The following SCAP variants were observed in gnomAD, a reference collection of about 807,000 sequenced individuals.
The protein encoded by SCAP is sterol regulatory element-binding protein cleavage-activating protein.
SCAP carries 65 observed loss-of-function variants against 123.6 expected under a neutral mutation model. The observed-to-expected ratio is 0.53, with a 90% confidence interval of 0.43 to 0.65. The LOEUF is 0.65. Among genes scored for constraint, SCAP ranks in the 30% least tolerant of loss-of-function variants. SCAP has a pLI of 0.00. For missense variants in SCAP, 1,398 were observed against 1,712.5 expected, an observed-to-expected ratio of 0.82 and a Z score of 3.24; for synonymous variants, 740 against 726.3, an observed-to-expected ratio of 1.02 and a Z score of -0.30.
rs75738169 is a variant in SCAP, at chr3:47,442,840, C to T, written c.122+32G>A. On this transcript the variant is annotated intron_variant, in intron 2 of 22. Coordinates refer to ENST00000265565, the MANE Select transcript of SCAP (RefSeq NM_012235.4). ...AAAACCTACTGTCCTAAGACACTGG[C>T]CCACCATATCCAAGGCAACCCAAAA... The T allele has an allele frequency of 5.4e-4, 872 of 1,600,084 alleles. 5 individuals carry two copies. In the African/African-American group the frequency reaches 0.01, roughly 19 times the overall value.
intron 1 of SCAP, among the ~76,000 whole-genome samples, chr3:47,461,165 AG>A (rs1298953473): frequency 6.6e-6 from 1 of 152,112 alleles, no homozygotes; most frequent in Non-Finnish European, 1.5e-5. Flanking sequence ...TTCAAGGCAA[AG>A]GGTGGTACTC....
Position 47,420,656 on chromosome 3 carries a change from G to C in SCAP, c.1461C>G (p.Thr487=), listed in dbSNP as rs759662085. 2.5e-5 allele frequency: 41 copies of C among 1,612,094 alleles called. No individual in the cohort carries two copies. The South Asian group carries it at 4.4e-4, about 17-fold the overall frequency. ...QLAVRPSTPH[T]ITLQPSSFRN... Reference sequence around the variant, plus strand: ...GGAAGGAAGACGGCTGCAACGTGATGGTGTGGGGTGTGGACGGCCTCACAG... The same window carrying C: ...GGAAGGAAGACGGCTGCAACGTGATCGTGTGGGGTGTGGACGGCCTCACAG... Residue 487 remains threonine, a synonymous_variant, in exon 12 of 23, where the codon ACC becomes ACG. Coordinates refer to ENST00000265565, the MANE Select transcript of SCAP (RefSeq NM_012235.4). This position sits in a 1 kb window ranked among gnomAD's most constrained non-coding sequence, Gnocchi z 5.0.
intron 8 of SCAP, 137 bp downstream of exon 8, chr3:47,425,348 T>A (rs1407442627): frequency 1.1e-6 from 1 of 903,156 alleles, no homozygotes; most frequent in Non-Finnish European, 1.6e-6. Flanking sequence ...GAAGAAAATG[T>A]ACCTCTTAAA....
At chr3:47,424,655 A>G (rs1706044379) in intron 8 of SCAP, among the ~76,000 whole-genome samples, 1 of 152,166 alleles carries the variant, frequency 6.6e-6, no homozygotes, top group Non-Finnish European at 1.5e-5. Context: ...GAGCCGAAGG[A>G]AGGGAGGGCC....
intron 1 of SCAP, among the ~76,000 whole-genome samples, chr3:47,455,140 G>A (rs1008017531): frequency 1.4e-5 from 2 of 144,760 alleles, no homozygotes; most frequent in Admixed American, 1.4e-4. Context: ...TCACCATAAG[G>A]TAGTGAAAAC....
At chr3:47,468,487 C>A (rs1389668195) in intron 1 of SCAP, among the ~76,000 whole-genome samples, 1 of 152,208 alleles carries the variant, frequency 6.6e-6, no homozygotes, top group East Asian at 1.9e-4. Flanking sequence ...AGCATTTTTT[C>A]ATGTGTCTGT....
At position 47,420,877 on chromosome 3, in the gene SCAP, T is replaced by C. The variant is rs1705869451; in HGVS notation, c.1344+54A>G. The C allele has an allele frequency of 1.2e-5, 19 of 1,588,668 alleles. 1 individual carries two copies. The Admixed American group carries it at 3.0e-4, about 25-fold the overall frequency. On this transcript the variant is annotated intron_variant, in intron 11 of 22. Transcript: ENST00000265565. This position sits in a 1 kb window ranked among gnomAD's most constrained non-coding sequence, Gnocchi z 5.0. ...TACACCCTTCTCACCCAGGACTCCC[T>C]CAGTACAGCCAGGGCTGAGGAGGCG... is the stretch of plus-strand genomic sequence containing the variant.
chr3:47,472,460 A>ATAAT (rs1553652297), intron 1 of SCAP, among the ~76,000 whole-genome samples: 28 of 145,704 alleles, frequency 1.9e-4, no homozygotes, highest in African/African-American at 2.5e-4. Flanking sequence ...AAATAAAATA[A>ATAAT]AATAATAATA....
In SCAP at chr3:47,419,743, C is replaced by T; in HGVS notation, c.1564-39G>A. 1 of 1,507,486 alleles carries T rather than the reference C, an allele frequency of 6.6e-7. No individual in the cohort carries two copies. Among genetic ancestry groups the T allele is most frequent in the Non-Finnish European group, 8.9e-7 (1 of 1,128,796 alleles). The allele number at this position is 1,507,486 out of a possible 1,614,324, so 93.4% of individuals were successfully genotyped here. A position where few individuals can be genotyped will look rare whatever the true frequency, so the allele number is the denominator to read the frequency against. ...GGGGGTACTCAGTGGGAGGAATGGG[C>T]CCCAACCCCCAGCAGCTTCAGCCCT... On this transcript the variant is annotated intron_variant, in intron 12 of 22. Transcript: ENST00000265565. This position sits in a 1 kb window ranked among gnomAD's most constrained non-coding sequence, Gnocchi z 5.0.
chr3:47,443,752 C>T (rs1012921517), intron 1 of SCAP, among the ~76,000 whole-genome samples: 2 of 152,178 alleles, frequency 1.3e-5, no homozygotes, highest in Non-Finnish European at 2.9e-5. Flanking sequence ...CTGCCCAGTA[C>T]CCGTCCCCTT....
At chr3:47,469,397 G>A (rs1176467443) in intron 1 of SCAP, among the ~76,000 whole-genome samples, 1 of 152,054 alleles carries the variant, frequency 6.6e-6, no homozygotes, top group Admixed American at 6.6e-5. Flanking sequence ...AGTCTTGTTC[G>A]GTCACCCAGG....
Position 47,444,156 on chromosome 3 carries a change from G to T in SCAP, c.-98-1065C>A, listed in dbSNP as rs181712898. On this transcript the variant is annotated intron_variant, in intron 1 of 22. Coordinates refer to ENST00000265565, the MANE Select transcript of SCAP (RefSeq NM_012235.4). ...ATAAAATCAGAATAGAAAACTCTAG[G>T]AGGCCCAGGGATCTAGAATTATCTT... 3.1e-3 allele frequency among the ~76,000 whole-genome samples: 473 copies of T among 152,250 alleles called. 4 individuals carry two copies. The highest frequency in any genetic ancestry group is 0.011 in the African/African-American group (452 of 41,548).
chr3:47,421,189 C>G, intron 10 of SCAP, 160 bp from the exon 11 acceptor site: 1 of 647,678 alleles, frequency 1.5e-6, no homozygotes. Context: ...GCTCACATAC[C>G]AGCAGCAGCT....
chr3:47,434,948 G>A (rs1297027465), intron 3 of SCAP, 60 bp downstream of exon 3: 4 of 1,611,080 alleles, frequency 2.5e-6, no homozygotes, highest in Admixed American at 3.3e-5. Context: ...GCAGACCCCT[G>A]CCTCAGCCAG....
intron 6 of SCAP, among the ~76,000 whole-genome samples, chr3:47,426,794 C>T (rs1442367767): frequency 6.6e-6 from 1 of 152,172 alleles, no homozygotes; most frequent in Non-Finnish European, 1.5e-5. Flanking sequence ...CTCGAGTGCC[C>T]TTGCCAATTG....
upstream of SCAP, among the ~76,000 whole-genome samples, chr3:47,476,629 C>G (rs1351035223): frequency 1.3e-5 from 2 of 152,220 alleles, no homozygotes; most frequent in African/African-American, 4.8e-5. Context: ...CAGCTACGTT[C>G]ACTGTTTACT....
At chr3:47,426,199 G>C (rs779012795) in intron 6 of SCAP, 30 bp from the exon 7 acceptor site, 1 of 1,602,618 alleles carries the variant, frequency 6.2e-7, no homozygotes, top group Non-Finnish European at 8.5e-7. Context: ...GGGGTAAATG[G>C]AAGTGTTGCT....
intron 1 of SCAP, among the ~76,000 whole-genome samples, chr3:47,467,248 T>C (rs1415994068): frequency 6.6e-6 from 1 of 151,658 alleles, no homozygotes; most frequent in Non-Finnish European, 1.5e-5. Flanking sequence ...AACTCAACAA[T>C]AACAACAAAA....
Position 47,419,625 on chromosome 3 carries a change from G to T in SCAP, c.1643C>A (p.Thr548Lys). The T allele has an allele frequency of 6.3e-7, 1 of 1,585,536 alleles. No individual in the cohort carries two copies. Among genetic ancestry groups the T allele is most frequent in the Non-Finnish European group, 8.6e-7 (1 of 1,164,462 alleles). The change falls in exon 13 of 23, where the codon ACG becomes AAG. Residue 548 changes from threonine to lysine, a missense_variant. By Grantham distance (78) the Thr-to-Lys change is moderately conservative. Coordinates refer to ENST00000265565, the MANE Select transcript of SCAP (RefSeq NM_012235.4). This position sits in a 1 kb window ranked among gnomAD's most constrained non-coding sequence, Gnocchi z 5.0. ...TCCCTCACCCAATGGGCTCTGTTCC[G>T]TCACCTGGGCAGCGAGGTAGTTGCG... ...GLRNYLAAQV[T>K]EQSPLGEGAL...
Sources: allele counts gnomAD v4.1 joint callset (sites outside exome capture counted in the v4.1 genomes callset), GRCh38; gene constraint gnomAD v4.1.1; non-coding constraint Gnocchi (gnomAD v3.1); transcripts MANE v1.5; gene names NCBI Gene and HGNC (gene_info 2026-07-23, HGNC 2026-07-21).